Variants in COL4A2 observed in about 807,000 individuals in gnomAD.
The protein encoded by COL4A2 is collagen type IV alpha 2 chain.
Under a neutral mutation model 200.2 loss-of-function variants are expected in COL4A2, and 99 were observed. That is an observed-to-expected ratio of 0.49 (90% confidence interval 0.42 to 0.58). The LOEUF (loss-of-function observed/expected upper bound fraction) is 0.58, where lower values mean the gene tolerates loss of function less well. COL4A2 is among the 20% of genes least tolerant of loss of function. COL4A2 has a pLI of 0.00. For synonymous variants in COL4A2, 897 were observed against 900.6 expected (o/e 1.00, Z 0.07); for missense variants, 1,950 against 2,314.1 (o/e 0.84, Z 3.23).
At chr13:110,329,152 A>G (rs1875782942) in intron 3 of COL4A2, among the ~76,000 whole-genome samples, 1 of 152,236 alleles carries the variant, frequency 6.6e-6, no homozygotes, top group Admixed American at 6.5e-5. Flanking sequence ...AGAAGTTTAG[A>G]CCTTTAAGCA....
At chr13:110,493,064 ATG>A in intron 38 of COL4A2, 145 bp from the exon 39 acceptor site, 85 of 869,240 alleles carry the variant, frequency 9.8e-5, no homozygotes, top group South Asian at 3.1e-4. Flanking sequence ...TGAAATAACG[ATG>A]AGTGACACCC....
At chr13:110,457,895 G>A (rs931726572) in intron 21 of COL4A2, among the ~76,000 whole-genome samples, 6 of 152,134 alleles carry the variant, frequency 3.9e-5, no homozygotes, top group African/African-American at 1.4e-4. Context: ...GTTTGCCCGG[G>A]TCTCCCTTCC....
intron 6 of COL4A2, among the ~76,000 whole-genome samples, chr13:110,426,993 C>T (rs1395357394): frequency 6.6e-6 from 1 of 152,186 alleles, no homozygotes; most frequent in East Asian, 1.9e-4. Context: ...CCTGTTGGAT[C>T]TCTCATCTGA....
intron 14 of COL4A2, 127 bp from the exon 15 acceptor site, chr13:110,438,491 G>C (rs1027542345): frequency 2.3e-6 from 3 of 1,277,734 alleles, no homozygotes; most frequent in Non-Finnish European, 3.4e-6. Context: ...GTTGAGCATC[G>C]CCAGGCGGTC....
intron 3 of COL4A2, among the ~76,000 whole-genome samples, chr13:110,333,201 G>A (rs77400799): frequency 0.022 from 3,294 of 152,318 alleles, 136 homozygotes; most frequent in African/African-American, 0.075. Flanking sequence ...ACTCAGAAAT[G>A]TACCTCTTTG....
chr13:110,384,254 G>A (rs1285086105), intron 4 of COL4A2, among the ~76,000 whole-genome samples: 1 of 152,186 alleles, frequency 6.6e-6, no homozygotes, highest in Non-Finnish European at 1.5e-5. Flanking sequence ...AGACCTGGAA[G>A]GATATTCTAG....
Position 110,307,917 on chromosome 13 carries a change from A to T in COL4A2, c.14A>T (p.Gln5Leu). 6.2e-7 allele frequency: 1 copy of T among 1,612,864 alleles called. No homozygotes were observed. The highest frequency in any genetic ancestry group is 8.5e-7 in the Non-Finnish European group (1 of 1,179,680). ...CGAACCGCCAGCATGGGGAGAGACC[A>T]GCGCGCGGTGGCCGGCCCTGCCCTA... Reference protein sequence around the residue: MGRDQRAVAGPALRR... With the variant: MGRDLRAVAGPALRR... Residue 5 changes from glutamine (Q) to leucine (L), a missense_variant, in exon 2 of 48, where the codon CAG (glutamine) becomes CTG (leucine). By Grantham distance (113) the Gln-to-Leu change is moderately radical. Coordinates refer to ENST00000360467, the MANE Select transcript of COL4A2 (RefSeq NM_001846.4). The surrounding 1 kb of genome is among the most constrained non-coding windows in gnomAD (Gnocchi z 5.0).
At chr13:110,406,462 A>G (rs1357851923) in intron 4 of COL4A2, among the ~76,000 whole-genome samples, 1 of 152,172 alleles carries the variant, frequency 6.6e-6, no homozygotes, top group African/African-American at 2.4e-5. Context: ...ATGCAATTCT[A>G]TTTGCAAATG....
chr13:110,504,409 G>A (rs751354298), intron 45 of COL4A2, 145 bp downstream of exon 45: 27 of 656,752 alleles, frequency 4.1e-5, no homozygotes, highest in Middle Eastern at 3.9e-4. Flanking sequence ...TAATCTGGGC[G>A]TAGCAGCTAC....
chr13:110,401,654 G>A (rs1024777898), intron 4 of COL4A2, among the ~76,000 whole-genome samples: 1 of 152,160 alleles, frequency 6.6e-6, no homozygotes, highest in Non-Finnish European at 1.5e-5. Context: ...TATGTTTAGG[G>A]GTTCTCTTGG....
Position 110,503,133 on chromosome 13 carries a change from C to T in COL4A2, c.3890C>T (p.Pro1297Leu), listed in dbSNP as rs868841998. ...GIFGLKGYRG[P>L]PGPPGSAALP... Reference sequence around the variant, plus strand: ...CTAATGCCAACAGGTTATCGGGGCCCACCAGGGCCACCAGGTTCTGCTGCT... The same window carrying T: ...CTAATGCCAACAGGTTATCGGGGCCTACCAGGGCCACCAGGTTCTGCTGCT... The change falls in exon 42 of 48, where the codon CCA becomes CTA. Residue 1297 changes from proline to leucine, a missense_variant. This residue lies in a region of COL4A2 where 1,385 missense variants were observed against 1,720.5 expected (regional missense o/e 0.80). Transcript: ENST00000360467. 1 of 1,613,614 alleles carries T rather than the reference C, an allele frequency of 6.2e-7. No homozygotes were observed. The highest frequency in any genetic ancestry group is 8.5e-7 in the Non-Finnish European group (1 of 1,179,944).
At chr13:110,466,821 C>G (rs1045075116) in intron 26 of COL4A2, among the ~76,000 whole-genome samples, 10 of 152,144 alleles carry the variant, frequency 6.6e-5, no homozygotes, top group African/African-American at 2.2e-4. Flanking sequence ...ACTAGACTGG[C>G]TTAGTTTGCA....
chr13:110,423,393 G>A (rs116746162), intron 4 of COL4A2, among the ~76,000 whole-genome samples: 2,275 of 152,094 alleles, frequency 0.015, 60 homozygotes, highest in African/African-American at 0.052. Flanking sequence ...TGAACAATGT[G>A]AACACATGGA....
chr13:110,469,906 C>CT (rs66524559), intron 28 of COL4A2, among the ~76,000 whole-genome samples: 23,647 of 75,630 alleles, frequency 0.31, 5,651 homozygotes, highest in East Asian at 0.74. Flanking sequence ...GCATACACGT[C>CT]TTTTTTTTTT....
At position 110,461,679 on chromosome 13, in the gene COL4A2, C is replaced by T. The variant is rs186535760; in HGVS notation, c.1597-435C>T. On this transcript the variant is annotated intron_variant, in intron 22 of 47. Coordinates refer to ENST00000360467, the MANE Select transcript of COL4A2 (RefSeq NM_001846.4). ...GGGATTACAGGCGTGCACCACCACA[C>T]TCCACTGCCACACTCGGCTAAGTTT... is the stretch of plus-strand genomic sequence containing the variant. Among the ~76,000 whole-genome samples the T allele has an allele frequency of 5.2e-3, 793 of 152,236 alleles. 2 individuals are homozygous for T. The highest frequency in any genetic ancestry group is 0.02 in the South Asian group (96 of 4,822).
At position 110,346,715 on chromosome 13, in the gene COL4A2, G is replaced by A. The variant is rs528161417; in HGVS notation, c.100-10757G>A. On this transcript the variant is annotated intron_variant, in intron 3 of 47. Coordinates refer to ENST00000360467, the MANE Select transcript of COL4A2 (RefSeq NM_001846.4). ...CCTGCCTGCCTGACGGCTGACGACG[G>A]CCCCACACCCATGTCTACACCCTGG... Among the ~76,000 whole-genome samples the A allele has an allele frequency of 6.6e-5, 10 of 152,010 alleles. No individual in the cohort carries two copies. The South Asian group carries it at 1.9e-3, about 28-fold the overall frequency.
At chr13:110,480,483 G>T (rs1882862136) in intron 31 of COL4A2, 93 bp downstream of exon 31, 3 of 1,349,168 alleles carry the variant, frequency 2.2e-6, no homozygotes, top group Non-Finnish European at 3.0e-6. Flanking sequence ...GCCTCTGTGG[G>T]CCGTGGGGCT....
intron 4 of COL4A2, among the ~76,000 whole-genome samples, chr13:110,416,065 T>A (rs575594171): frequency 3.7e-4 from 57 of 152,366 alleles, no homozygotes; most frequent in African/African-American, 1.4e-3. Flanking sequence ...CATCGTGTGA[T>A]CCTGGTAGCT....
At chr13:110,427,704 C>T (rs1187935243) in intron 6 of COL4A2, among the ~76,000 whole-genome samples, 1 of 152,222 alleles carries the variant, frequency 6.6e-6, no homozygotes, top group Non-Finnish European at 1.5e-5. Flanking sequence ...CTGGAACCAG[C>T]TTAATGCAGT....
Sources: gnomAD v4.1 joint callset for allele counts (sites outside exome capture counted in the v4.1 genomes callset) on GRCh38, gnomAD v4.1.1 for gene constraint, gnomAD v4.1.1 regional missense constraint, Gnocchi (gnomAD v3.1) non-coding constraint, MANE v1.5 for transcripts, NCBI Gene and HGNC (gene_info 2026-07-23, HGNC 2026-07-21) for gene names.